CCDC141: variants seen among roughly 807,000 people sequenced by gnomAD.
The protein encoded by CCDC141 is coiled-coil domain-containing protein 141.
Under a neutral mutation model 181.0 loss-of-function variants are expected in CCDC141, and 168 were observed. The observed-to-expected ratio is 0.93, with a 90% CI of 0.82 to 1.05. The LOEUF is 1.05. Ranked by LOEUF, CCDC141 falls within the 50% of genes least tolerant of loss-of-function variation. The pLI is 0.00. For missense variants in CCDC141, 1,902 were observed against 1,788.5 expected (o/e 1.06, Z -1.14); for synonymous variants, 666 against 642.3 (o/e 1.04, Z -0.56).
At chr2:178,935,907 T>C (rs1433954528) in intron 6 of CCDC141, among the ~76,000 whole-genome samples, 1 of 152,218 alleles carries the variant, frequency 6.6e-6, no homozygotes, top group Non-Finnish European at 1.5e-5. Flanking sequence ...TTGAGAAGTG[T>C]CTGTTCATGT....
intron 17 of CCDC141, among the ~76,000 whole-genome samples, chr2:178,864,701 A>T (rs1313047541): frequency 6.6e-6 from 1 of 152,222 alleles, no homozygotes; most frequent in East Asian, 1.9e-4. Context: ...TGTGGCCTAC[A>T]GGAACGGCCA....
At chr2:178,917,492 A>G (rs1688503858) in intron 7 of CCDC141, among the ~76,000 whole-genome samples, 1 of 152,196 alleles carries the variant, frequency 6.6e-6, no homozygotes, top group Non-Finnish European at 1.5e-5. Context: ...ACACCAGGAC[A>G]TTGTATTCAG....
chr2:179,040,292 G>A (rs2043260509), intron 2 of CCDC141, among the ~76,000 whole-genome samples: 1 of 152,184 alleles, frequency 6.6e-6, no homozygotes, highest in Admixed American at 6.5e-5. Context: ...AGCCTGAAGG[G>A]CATCAAAGAA....
intron 2 of CCDC141, among the ~76,000 whole-genome samples, chr2:179,000,480 A>T (rs2041937104): frequency 6.6e-6 from 1 of 152,218 alleles, no homozygotes; most frequent in African/African-American, 2.4e-5. Flanking sequence ...CCTTTTACAG[A>T]AGAGGTTTGC....
chr2:178,960,580 G>A (rs1178970164), intron 5 of CCDC141, among the ~76,000 whole-genome samples: 2 of 152,142 alleles, frequency 1.3e-5, no homozygotes, highest in Non-Finnish European at 2.9e-5. Context: ...TGAGTTGGGG[G>A]TTTGCAAAGA....
At chr2:178,878,798 A>G (rs75825604) in intron 11 of CCDC141, among the ~76,000 whole-genome samples, 10,745 of 152,224 alleles carry the variant, frequency 0.071, 560 homozygotes, top group Admixed American at 0.16. Context: ...ATGTTTTTCA[A>G]TTTGGGACAA....
intron 2 of CCDC141, among the ~76,000 whole-genome samples, chr2:179,042,026 C>T (rs1171326513): frequency 2.0e-5 from 3 of 152,138 alleles, no homozygotes; most frequent in African/African-American, 4.8e-5. Context: ...AAAAGATATT[C>T]GGCTCAGATC....
At chr2:178,950,119 G>C (rs1012068395) in intron 5 of CCDC141, among the ~76,000 whole-genome samples, 2 of 152,210 alleles carry the variant, frequency 1.3e-5, no homozygotes, top group South Asian at 4.1e-4. Flanking sequence ...TGCAGAACTT[G>C]CTGAATAACC....
At chr2:179,040,955 C>T (rs548212241) in intron 2 of CCDC141, among the ~76,000 whole-genome samples, 2 of 152,296 alleles carry the variant, frequency 1.3e-5, no homozygotes, top group South Asian at 4.1e-4. Context: ...TGAGGAAATG[C>T]CACACTGTCT....
intron 5 of CCDC141, among the ~76,000 whole-genome samples, chr2:178,946,608 T>C (rs1396312044): frequency 1.3e-5 from 2 of 152,170 alleles, no homozygotes; most frequent in East Asian, 3.8e-4. Context: ...TGTTCTCTAA[T>C]CTCTAAAAAC....
chr2:178,997,387 T>A (rs1236395561), intron 2 of CCDC141, among the ~76,000 whole-genome samples: 3 of 152,012 alleles, frequency 2.0e-5, no homozygotes, highest in Non-Finnish European at 4.4e-5. Context: ...TCTTTTCTCT[T>A]CCCCTAAGGA....
At chr2:179,022,068 A>C (rs1224599055) in intron 2 of CCDC141, among the ~76,000 whole-genome samples, 4 of 152,152 alleles carry the variant, frequency 2.6e-5, no homozygotes, top group African/African-American at 9.6e-5. Context: ...TGTTCTGTTA[A>C]ATGAAGTAAA....
chr2:178,961,344 G>T lies in CCDC141; in HGVS notation c.666C>A (p.Arg222=). The T allele has an allele frequency of 6.4e-7, 1 of 1,550,544 alleles. No individual in the cohort carries two copies. Among genetic ancestry groups the T allele is most frequent in the Non-Finnish European group, 8.7e-7 (1 of 1,146,960 alleles). Residue 222 remains arginine, a synonymous_variant, in exon 5 of 24, where the codon CGC becomes CGA. Coordinates refer to ENST00000443758, the MANE Select transcript of CCDC141 (RefSeq NM_173648.4). ...TCCTGTCTTGTAGAAGTTCAAGAAG[G>T]CGGTCAACCTTCAGACAGCTGCTAT... ...GAHSSCLKVD[R]LLELLQDRRR...
intron 5 of CCDC141, among the ~76,000 whole-genome samples, chr2:178,952,458 G>A (rs1689988591): frequency 1.3e-5 from 2 of 152,128 alleles, no homozygotes; most frequent in South Asian, 4.1e-4. Flanking sequence ...AGGCACAGAG[G>A]CCAAGTAACT....
At position 178,869,214 on chromosome 2, in the gene CCDC141, T is replaced by A. The variant is rs1685997479; in HGVS notation, c.2297A>T (p.Lys766Met). 1 of 1,613,688 alleles carries A rather than the reference T, an allele frequency of 6.2e-7. No individual in the cohort carries two copies. The highest frequency in any genetic ancestry group is 8.5e-7 in the Non-Finnish European group (1 of 1,179,716). ...APVKEKSQQL[K>M]DLIHFHQKQK... ...TTTTTGATGGAAGTGAATAAGGTCC[T>A]TCAGTTGTTGAGACTTTTCTTTTAC... Residue 766 changes from lysine to methionine, a missense_variant, in exon 15 of 24, where the codon AAG becomes ATG. Coordinates refer to ENST00000443758, the MANE Select transcript of CCDC141 (RefSeq NM_173648.4).
chr2:178,845,626 C>T lies in CCDC141; in HGVS notation c.3474G>A (p.Lys1158=), dbSNP rs562511734. The T allele has an allele frequency of 5.8e-6, 9 of 1,549,924 alleles. No homozygotes were observed. Among genetic ancestry groups the T allele is most frequent in the Admixed American group, 5.0e-5 (3 of 59,834 alleles). Reference sequence around the variant, plus strand: ...GCTGAGGTTAAGTAGTTTTCTTTACCTTATTCCTTTCTTCATTGAATATTG... The same window carrying T: ...GCTGAGGTTAAGTAGTTTTCTTTACTTTATTCCTTTCTTCATTGAATATTG... ...KQTIFNEERN[K]GQVQVADLLG... Residue 1158 remains lysine (K), a splice_region_variant and synonymous_variant, in exon 22 of 24, where the codon AAG becomes AAA. Transcript: ENST00000443758.
intron 7 of CCDC141, among the ~76,000 whole-genome samples, chr2:178,916,522 T>C (rs1340686383): frequency 1.3e-5 from 2 of 151,774 alleles, no homozygotes; most frequent in Non-Finnish European, 2.9e-5. Context: ...TAATATAGTA[T>C]AAATAATATA....
At chr2:178,982,263 A>G (rs1691451507) in intron 2 of CCDC141, among the ~76,000 whole-genome samples, 1 of 152,248 alleles carries the variant, frequency 6.6e-6, no homozygotes, top group African/African-American at 2.4e-5. Flanking sequence ...GCAAAGTTAC[A>G]GAGTATAAGA....
At chr2:178,990,560 GGA>G (rs1692000318) in intron 2 of CCDC141, among the ~76,000 whole-genome samples, 1 of 125,966 alleles carries the variant, frequency 7.9e-6, no homozygotes, top group Admixed American at 8.7e-5. Flanking sequence ...AAGGAAGGAA[GGA>G]AAAAAGAGAA....
Sources: gnomAD v4.1 joint callset for allele counts (sites outside exome capture counted in the v4.1 genomes callset) on GRCh38, gnomAD v4.1.1 for gene constraint, MANE v1.5 for transcripts, NCBI Gene and HGNC (gene_info 2026-07-23, HGNC 2026-07-21) for gene names.